PIK3C2G: variants seen among roughly 807,000 people sequenced by gnomAD.
PIK3C2G encodes the protein phosphatidylinositol 3-kinase C2 domain-containing subunit gamma.
PIK3C2G carries 168 observed loss-of-function variants against 181.1 expected under a neutral mutation model. That is an observed-to-expected ratio of 0.93 (90% CI 0.82 to 1.05). PIK3C2G has a LOEUF of 1.05. Ranked by LOEUF, PIK3C2G falls within the 50% of genes least tolerant of loss-of-function variation. PIK3C2G has a pLI of 0.00. For synonymous variants in PIK3C2G, 573 were observed against 592.2 expected (o/e 0.97, Z 0.47); for missense variants, 1,869 against 1,732.8 (o/e 1.08, Z -1.40).
intron 31 of PIK3C2G, among the ~76,000 whole-genome samples, chr12:18,611,847 C>T (rs1451784340): frequency 2.6e-5 from 4 of 152,118 alleles, no homozygotes; most frequent in African/African-American, 9.7e-5. Flanking sequence ...GTTGAAGTCA[C>T]CAGCATCTCT....
chr12:18,520,116 G>A (rs1037531129), intron 24 of PIK3C2G, among the ~76,000 whole-genome samples: 6 of 151,700 alleles, frequency 4.0e-5, no homozygotes, highest in Non-Finnish European at 8.8e-5. Context: ...ACCTTTGTAG[G>A]TGGCCTGGCA....
chr12:18,287,960 G>A (rs562637140), intron 3 of PIK3C2G, among the ~76,000 whole-genome samples: 2 of 152,140 alleles, frequency 1.3e-5, no homozygotes, highest in East Asian at 1.9e-4. Context: ...CCAGGAGTTC[G>A]AGACCAGCCT....
At position 18,569,563 on chromosome 12, in the gene PIK3C2G, G is replaced by T. The variant is rs529455082; in HGVS notation, c.4011+2506G>T. ...ACTTTTGGAATGTTTCCAGTTTGGG[G>T]CTATTACAAACCATACTGTTATGAA... On this transcript the variant is annotated intron_variant, in intron 29 of 32. Coordinates refer to ENST00000538779, the MANE Select transcript of PIK3C2G (RefSeq NM_001288772.2). Among the ~76,000 whole-genome samples the T allele has an allele frequency of 4.2e-4, 64 of 152,144 alleles. 1 individual carries two copies. In the South Asian group the frequency reaches 0.013, roughly 31 times the overall value.
chr12:18,450,345 C>A (rs562171566), intron 18 of PIK3C2G, among the ~76,000 whole-genome samples: 2 of 152,256 alleles, frequency 1.3e-5, no homozygotes, highest in South Asian at 4.1e-4. Flanking sequence ...AGGCTGGTCT[C>A]GAACTCCCAA....
chr12:18,408,581 G>A (rs1944675192), intron 16 of PIK3C2G, among the ~76,000 whole-genome samples: 1 of 152,114 alleles, frequency 6.6e-6, no homozygotes, highest in Non-Finnish European at 1.5e-5. Context: ...AAACTAAAGA[G>A]CTTCTGCACA....
At chr12:18,262,459 G>A (rs1414962677) in intron 1 of PIK3C2G, among the ~76,000 whole-genome samples, 1 of 151,952 alleles carries the variant, frequency 6.6e-6, no homozygotes, top group Non-Finnish European at 1.5e-5. Context: ...TTTTAATCAA[G>A]GTTTTCTTAT....
intron 5 of PIK3C2G, among the ~76,000 whole-genome samples, chr12:18,297,842 A>G (rs948653379): frequency 6.6e-6 from 1 of 152,002 alleles, no homozygotes; most frequent in Admixed American, 6.6e-5. Context: ...TGTTGCTGCA[A>G]ATGACAGCAT....
At chr12:18,560,834 T>A (rs917779737) in intron 26 of PIK3C2G, among the ~76,000 whole-genome samples, 2 of 152,180 alleles carry the variant, frequency 1.3e-5, no homozygotes, top group Admixed American at 6.5e-5. Context: ...TACAGAAGCA[T>A]GTTTTAGAAA....
chr12:18,286,772 A>G, intron 2 of PIK3C2G, 75 bp from the exon 3 acceptor site: 1 of 837,658 alleles, frequency 1.2e-6, no homozygotes, highest in South Asian at 1.9e-5. Flanking sequence ...AAACTTCAAA[A>G]CAGGATAAAA....
chr12:18,303,171 TTCTC>T (rs1027389009), intron 5 of PIK3C2G, among the ~76,000 whole-genome samples: 4 of 148,704 alleles, frequency 2.7e-5, no homozygotes, highest in African/African-American at 9.9e-5. Flanking sequence ...CTTTCTTTCT[TTCTC>T]TTTCTCTCTC....
At position 18,419,053 on chromosome 12, in the gene PIK3C2G, C is replaced by T. The variant is rs78975969; in HGVS notation, c.2316-1888C>T. On this transcript the variant is annotated intron_variant, in intron 16 of 32. Transcript: ENST00000538779. ...GGAAGGCTGGTAGTAAAGATGTTTA[C>T]GTGTAACGACAATGAGTTCAGGTTG... is the stretch of plus-strand genomic sequence containing the variant. Among the ~76,000 whole-genome samples the T allele has an allele frequency of 2.6e-5, 4 of 152,218 alleles. No individual in the cohort carries two copies. In the South Asian group the frequency reaches 8.3e-4, roughly 32 times the overall value.
chr12:18,484,698 T>C (rs1939875618), intron 18 of PIK3C2G, among the ~76,000 whole-genome samples: 1 of 152,174 alleles, frequency 6.6e-6, no homozygotes, highest in Non-Finnish European at 1.5e-5. Flanking sequence ...ACGTATCAAG[T>C]TCCTCAGTTG....
intron 18 of PIK3C2G, among the ~76,000 whole-genome samples, chr12:18,471,296 A>C (rs953839587): frequency 6.6e-6 from 1 of 152,128 alleles, no homozygotes; most frequent in African/African-American, 2.4e-5. Context: ...GGATTAGAGG[A>C]ATCTCAACCT....
At chr12:18,279,433 G>T (rs1383555856) in intron 1 of PIK3C2G, among the ~76,000 whole-genome samples, 1 of 151,854 alleles carries the variant, frequency 6.6e-6, no homozygotes, top group Non-Finnish European at 1.5e-5. Context: ...TGCATTATCA[G>T]ACCATTGATA....
At position 18,497,597 on chromosome 12, in the gene PIK3C2G, T is replaced by A. The variant is rs773838143; in HGVS notation, c.2887-22T>A. The A allele has an allele frequency of 2.5e-6, 4 of 1,598,080 alleles. No homozygotes were observed. The South Asian group carries it at 3.4e-5, about 13-fold the overall frequency. ...AACAAATTCAAGGAAAAACCCAGGGTCTATAATTTTGTTTTTAACAGGCTG... is the reference window on the plus strand; with the variant it reads ...AACAAATTCAAGGAAAAACCCAGGGACTATAATTTTGTTTTTAACAGGCTG... On this transcript the variant is annotated intron_variant, in intron 21 of 32. Coordinates refer to ENST00000538779, the MANE Select transcript of PIK3C2G (RefSeq NM_001288772.2).
Position 18,609,674 on chromosome 12 carries a change from G to A in PIK3C2G, c.4182+45G>A, listed in dbSNP as rs372562945. 197 of 1,185,690 alleles carry A rather than the reference G, an allele frequency of 1.7e-4. 1 individual carries two copies. Among genetic ancestry groups the A allele is most frequent in the Middle Eastern group, 1.5e-3 (7 of 4,802 alleles). 73.4% of individuals were successfully genotyped at this position (1,185,690 alleles called of 1,614,324 possible). ...TAAGAAACATGTAAGCCTACATCCA[G>A]AAATCACTTACCTCCTTTGGGCAAT... On this transcript the variant is annotated intron_variant, in intron 31 of 32. Transcript: ENST00000538779.
intron 18 of PIK3C2G, among the ~76,000 whole-genome samples, chr12:18,484,522 A>T (rs757705498): frequency 6.6e-6 from 1 of 152,204 alleles, no homozygotes; most frequent in African/African-American, 2.4e-5. Context: ...TGATAAACAC[A>T]TATTGCAGAA....
the PIK3C2G span, among the ~76,000 whole-genome samples, chr12:18,661,937 T>C: frequency 6.6e-6 from 1 of 151,878 alleles, no homozygotes; most frequent in Admixed American, 6.6e-5. Context: ...TACACATCCA[T>C]AAAAAAAGAA....
At chr12:18,278,547 C>T (rs1445394753) in intron 1 of PIK3C2G, among the ~76,000 whole-genome samples, 3 of 152,144 alleles carry the variant, frequency 2.0e-5, no homozygotes, top group South Asian at 4.1e-4. Context: ...GGGATCAAAA[C>T]ATGGGAATAT....
Sources: gnomAD v4.1 joint callset for allele counts (sites outside exome capture counted in the v4.1 genomes callset) on GRCh38, gnomAD v4.1.1 for gene constraint, MANE v1.5 for transcripts, NCBI Gene and HGNC (gene_info 2026-07-23, HGNC 2026-07-21) for gene names.